The following TRHDE variants were observed in gnomAD, a reference collection of about 807,000 sequenced individuals.
TRHDE encodes thyrotropin-releasing hormone-degrading ectoenzyme.
Under a neutral mutation model 125.7 loss-of-function variants are expected in TRHDE, and 72 were observed. The observed-to-expected ratio is 0.57, with a 90% CI of 0.47 to 0.70. The LOEUF (loss-of-function observed/expected upper bound fraction) is 0.70, where lower values mean the gene tolerates loss of function less well. Ranked by LOEUF, TRHDE falls within the 30% of genes least tolerant of loss-of-function variation. The pLI, the probability that TRHDE is intolerant of heterozygous loss-of-function variation, is 0.00. For missense variants in TRHDE, 1,110 were observed against 1,327.1 expected, an observed-to-expected ratio of 0.84 and a Z score of 2.54; for synonymous variants, 509 against 509.1, an observed-to-expected ratio of 1.00 and a Z score of 0.00.
At chr12:72,185,129 C>T (rs1050663005) in intron 2 of TRHDE, among the ~76,000 whole-genome samples, 6 of 152,196 alleles carry the variant, frequency 3.9e-5, no homozygotes, top group Non-Finnish European at 7.4e-5. Context: ...GGCCCGCACT[C>T]GCACTCGGAG....
rs549955478 is a variant in TRHDE at position 72,530,514 on chromosome 12, A to G, written c.1723-11777A>G. ...TAATTACTTTTCTCAACCTCTAAAT[A>G]CTGGAACTCCCAGGACCTATTCTTC... On this transcript the variant is annotated intron_variant, in intron 6 of 18. Coordinates refer to ENST00000261180, the MANE Select transcript of TRHDE (RefSeq NM_013381.3). 5.5e-5 allele frequency among the ~76,000 whole-genome samples: 7 copies of G among 126,560 alleles called. No individual in the cohort carries two copies. The East Asian group carries it at 1.6e-3, about 28-fold the overall frequency. 83.0% of individuals were successfully genotyped at this position (126,560 alleles called of 152,430 possible).
chr12:72,106,082 A>G (rs900461059), intron 2 of TRHDE, among the ~76,000 whole-genome samples: 1 of 152,144 alleles, frequency 6.6e-6, no homozygotes, highest in Non-Finnish European at 1.5e-5. Context: ...CCAATGGGGA[A>G]CAGATGATCA....
intron 1 of TRHDE, among the ~76,000 whole-genome samples, chr12:72,091,097 C>T (rs1874779606): frequency 1.3e-5 from 2 of 152,106 alleles, no homozygotes; most frequent in African/African-American, 4.8e-5. Context: ...TGGTGTCAAA[C>T]TCCTGGGCTC....
At chr12:72,501,912 A>T (rs963486727) in intron 6 of TRHDE, among the ~76,000 whole-genome samples, 19 of 151,984 alleles carry the variant, frequency 1.3e-4, no homozygotes, top group Non-Finnish European at 7.4e-5. Flanking sequence ...TTTCTTTCTC[A>T]CGCACTTCGC....
intron 12 of TRHDE, among the ~76,000 whole-genome samples, chr12:72,599,373 T>A (rs1872113085): frequency 6.6e-6 from 1 of 152,128 alleles, no homozygotes; most frequent in South Asian, 2.1e-4. Context: ...CTCCACAGCT[T>A]CATGAGCATC....
intron 1 of TRHDE, among the ~76,000 whole-genome samples, chr12:72,094,791 A>G: frequency 6.6e-6 from 1 of 152,170 alleles, no homozygotes; most frequent in East Asian, 1.9e-4. Flanking sequence ...GGAGCCAGGA[A>G]CTCACACAGT....
At chr12:72,110,891 A>T (rs1875299913) in intron 2 of TRHDE, among the ~76,000 whole-genome samples, 2 of 152,196 alleles carry the variant, frequency 1.3e-5, no homozygotes, top group East Asian at 1.9e-4. Flanking sequence ...GATGAAAAAT[A>T]GAGTACAATT....
intron 2 of TRHDE, among the ~76,000 whole-genome samples, chr12:72,189,697 G>A (rs932562143): frequency 6.6e-6 from 1 of 152,172 alleles, no homozygotes; most frequent in African/African-American, 2.4e-5. Flanking sequence ...TAATGCTTAG[G>A]GGGTCGCTTT....
At position 72,134,678 on chromosome 12, in the gene TRHDE, G is replaced by A. The variant is rs546268707; in HGVS notation, n.279+28926G>A. 4.6e-5 allele frequency among the ~76,000 whole-genome samples: 7 copies of A among 152,110 alleles called. No individual in the cohort carries two copies. In the South Asian group the frequency reaches 8.3e-4, roughly 18 times the overall value. Reference sequence around the variant, plus strand: ...AGAGAAAGGGAAAAACTCCTAATACGTAGGAGTTCTTTGAACTCCCTTTAT... The same window carrying A: ...AGAGAAAGGGAAAAACTCCTAATACATAGGAGTTCTTTGAACTCCCTTTAT... On this transcript the variant is annotated intron_variant and non_coding_transcript_variant, in intron 2 of 4. Transcript: ENST00000548156.
intron 2 of TRHDE, among the ~76,000 whole-genome samples, chr12:72,239,526 G>T (rs896248895): frequency 8.6e-5 from 13 of 152,020 alleles, no homozygotes; most frequent in African/African-American, 2.7e-4. Context: ...TTAGGTCTTA[G>T]ATCCTTGATA....
rs557159387 is a variant in TRHDE, at chr12:72,285,524, T to TC, written c.915-1157_915-1156insC. ...TGTCTGAGTGTCCTTTTTTTCTTCTTTTTTTTTTTTTTTTTGAGACAGGGT... is the reference window on the plus strand; with the variant it reads ...TGTCTGAGTGTCCTTTTTTTCTTCTTCTTTTTTTTTTTTTTTGAGACAGGGT... On this transcript the variant is annotated intron_variant, in intron 1 of 18. Transcript: ENST00000261180. Among the ~76,000 whole-genome samples the TC allele has an allele frequency of 6.1e-4, 86 of 140,530 alleles. 1 individual carries two copies. The highest frequency in any genetic ancestry group is 4.2e-3 in the East Asian group (21 of 4,966). 92.2% of individuals were successfully genotyped at this position (140,530 alleles called of 152,430 possible).
chr12:72,236,534 G>T (rs957853080), intron 2 of TRHDE, among the ~76,000 whole-genome samples: 1 of 149,844 alleles, frequency 6.7e-6, no homozygotes, highest in Non-Finnish European at 1.5e-5. Context: ...TAGAATAGTT[G>T]CTCTGTGTCT....
chr12:72,653,220 A>G (rs1295937810), intron 17 of TRHDE, 64 bp downstream of exon 17: 1 of 1,398,432 alleles, frequency 7.2e-7, no homozygotes, highest in Non-Finnish European at 9.7e-7. Context: ...ATAAAGGCCC[A>G]AGTTTTGTGT....
intron 3 of TRHDE, among the ~76,000 whole-genome samples, chr12:72,452,076 G>T (rs899334731): frequency 2.0e-5 from 3 of 152,116 alleles, no homozygotes; most frequent in Admixed American, 6.5e-5. Context: ...TGATCTGCCC[G>T]CATTGGCCTC....
At chr12:72,419,116 G>A (rs544392993) in intron 3 of TRHDE, among the ~76,000 whole-genome samples, 40 of 152,240 alleles carry the variant, frequency 2.6e-4, no homozygotes, top group South Asian at 8.3e-4. Context: ...AGTTAATGAG[G>A]GTGGAGCTAT....
intron 1 of TRHDE, among the ~76,000 whole-genome samples, chr12:72,104,139 A>G (rs1490058036): frequency 6.6e-6 from 1 of 152,172 alleles, no homozygotes; most frequent in African/African-American, 2.4e-5. Context: ...GTGGGGAGAT[A>G]AGCTTACAAT....
At chr12:72,638,454 A>C (rs1290250223) in intron 15 of TRHDE, among the ~76,000 whole-genome samples, 1 of 151,322 alleles carries the variant, frequency 6.6e-6, no homozygotes, top group Admixed American at 6.6e-5. Flanking sequence ...TTGACTCTTT[A>C]TCCAATTTGC....
chr12:72,383,717 G>GTT (rs1198685598), intron 3 of TRHDE, among the ~76,000 whole-genome samples: 37 of 120,694 alleles, frequency 3.1e-4, no homozygotes, highest in East Asian at 7.6e-4. Flanking sequence ...GGTAATTTCT[G>GTT]TTTTTTTTTT....
chr12:72,393,601 C>G (rs370374303), intron 3 of TRHDE, among the ~76,000 whole-genome samples: 7 of 152,110 alleles, frequency 4.6e-5, no homozygotes, highest in African/African-American at 1.7e-4. Context: ...TTTTGTATAT[C>G]TGTTGTCAAA....
Sources: gnomAD v4.1 joint callset for allele counts (sites outside exome capture counted in the v4.1 genomes callset) on GRCh38, gnomAD v4.1.1 for gene constraint, MANE v1.5 for transcripts, NCBI Gene and HGNC (gene_info 2026-07-23, HGNC 2026-07-21) for gene names.